The following PLTP variants were observed in gnomAD, a reference collection of about 807,000 sequenced individuals.
PLTP encodes phospholipid transfer protein.
Under a neutral mutation model 54.1 loss-of-function variants are expected in PLTP, and 43 were observed. That is an observed-to-expected ratio of 0.79 (90% CI 0.62 to 1.02). The LOEUF is 1.02. Among genes scored for constraint, PLTP ranks in the 50% least tolerant of loss-of-function variants. The pLI is 0.00. For missense variants in PLTP, 604 were observed against 645.9 expected, an observed-to-expected ratio of 0.94 and a Z score of 0.70; for synonymous variants, 263 against 264.6, an observed-to-expected ratio of 0.99 and a Z score of 0.06.
intron 3 of PLTP, chr20:45,910,892 C>A: frequency 2.2e-6 from 3 of 1,378,840 alleles, no homozygotes; most frequent in Non-Finnish European, 2.8e-6. Context: ...TCTTCGACCA[C>A]GCCTCACATC....
intron 12 of PLTP, among the ~76,000 whole-genome samples, chr20:45,900,195 C>T (rs1329718671): frequency 6.7e-6 from 1 of 149,370 alleles, no homozygotes; most frequent in African/African-American, 2.5e-5. Flanking sequence ...TGCTCCGTCT[C>T]CCGGGTTCAC....
intron 10 of PLTP, among the ~76,000 whole-genome samples, chr20:45,903,450 A>G (rs1467610419): frequency 6.6e-6 from 1 of 152,090 alleles, no homozygotes; most frequent in Non-Finnish European, 1.5e-5. Flanking sequence ...TGCTGGTCTC[A>G]AACTCCTGGG....
In PLTP at chr20:45,901,609, C is replaced by T. The variant is rs1447440256; in HGVS notation, c.1175+658G>A. On this transcript the variant is annotated intron_variant, in intron 12 of 15. Coordinates refer to ENST00000372431, the MANE Select transcript of PLTP (RefSeq NM_006227.4). ...ACTCTGTCTCAAAAATAAATAAATA[C>T]AATAAAATAAGGCCAAGCACAGTGG... 2.0e-5 allele frequency among the ~76,000 whole-genome samples: 3 copies of T among 151,308 alleles called. No homozygotes were observed. In the East Asian group the frequency reaches 5.8e-4, roughly 29 times the overall value.
intron 8 of PLTP, among the ~76,000 whole-genome samples, chr20:45,905,704 G>A (rs2083232890): frequency 6.6e-6 from 1 of 152,194 alleles, no homozygotes; most frequent in Non-Finnish European, 1.5e-5. Context: ...GCCTCCCAAA[G>A]TATTGGGATT....
At chr20:45,909,477 G>A in intron 5 of PLTP, 39 bp downstream of exon 5, 2 of 1,611,432 alleles carry the variant, frequency 1.2e-6, no homozygotes, top group Middle Eastern at 1.7e-4. Flanking sequence ...GAGCTGTGGG[G>A]CTCGAAAAGG....
rs769402418 is a variant in PLTP, at chr20:45,899,638, C to T, written c.1266G>A (p.Val422=). ...CAGCCTTACCATTGAGCATGGGCATCACCCCAATCTGCAGCATGGTCTTCA... is the reference window on the plus strand; with the variant it reads ...CAGCCTTACCATTGAGCATGGGCATTACCCCAATCTGCAGCATGGTCTTCA... ...APLKTMLQIG[V]MPMLNERTWR... Residue 422 remains valine (V), a synonymous_variant, in exon 14 of 16, where the codon GTG becomes GTA. Coordinates refer to ENST00000372431, the MANE Select transcript of PLTP (RefSeq NM_006227.4). 6.2e-7 allele frequency: 1 copy of T among 1,614,158 alleles called. No homozygotes were observed. Among genetic ancestry groups the T allele is most frequent in the African/African-American group, 1.3e-5 (1 of 75,032 alleles).
Position 45,899,487 on chromosome 20 carries a change from A to T in PLTP, c.1334T>A (p.Val445Glu), listed in dbSNP as rs372280032. ...CGCATGGTTCGTCACCACCTCATGC[A>T]CAAAGTTGATGCCCTCAGGTAGTGG... ...QIPLPEGINF[V>E]HEVVTNHAGF... The change falls in exon 15 of 16, where the codon GTG (valine) becomes GAG (glutamate). Residue 445 changes from valine to glutamate, a missense_variant. By Grantham distance (121) the Val-to-Glu change is moderately radical. Coordinates refer to ENST00000372431, the MANE Select transcript of PLTP (RefSeq NM_006227.4). 7.0e-5 allele frequency: 113 copies of T among 1,613,902 alleles called. No individual in the cohort carries two copies. Among genetic ancestry groups the T allele is most frequent in the Non-Finnish European group, 9.2e-5 (109 of 1,179,998 alleles).
chr20:45,902,718 G>A lies in PLTP; in HGVS notation c.943-114C>T, dbSNP rs998963748. 6.4e-6 allele frequency: 7 copies of A among 1,099,510 alleles called. No homozygotes were observed. The Admixed American group carries it at 1.7e-4, about 26-fold the overall frequency. The allele number at this position is 1,099,510 out of a possible 1,614,324, so 68.1% of individuals were successfully genotyped here. A position where few individuals can be genotyped will look rare whatever the true frequency, so the allele number is the denominator to read the frequency against. Reference sequence around the variant, plus strand: ...TCTGTCCTCTGGGGACTCTCATATTGCAAATACAGAGGGAGCTCTGGCTTC... The same window carrying A: ...TCTGTCCTCTGGGGACTCTCATATTACAAATACAGAGGGAGCTCTGGCTTC... On this transcript the variant is annotated intron_variant, in intron 10 of 15. Coordinates refer to ENST00000372431, the MANE Select transcript of PLTP (RefSeq NM_006227.4).
intron 8 of PLTP, among the ~76,000 whole-genome samples, chr20:45,905,636 T>C (rs1303639021): frequency 6.6e-6 from 1 of 152,222 alleles, no homozygotes; most frequent in Non-Finnish European, 1.5e-5. Context: ...GAAGGAGGTC[T>C]CACTATGATG....
At chr20:45,906,710 G>A (rs932595615) in intron 7 of PLTP, among the ~76,000 whole-genome samples, 2 of 151,228 alleles carry the variant, frequency 1.3e-5, no homozygotes, top group African/African-American at 4.9e-5. Flanking sequence ...GTCCACCACG[G>A]TGAAACCCCG....
At chr20:45,911,950 A>G in intron 1 of PLTP, 129 bp downstream of exon 1, 2 of 197,968 alleles carry the variant, frequency 1.0e-5, no homozygotes, top group South Asian at 1.6e-4. Flanking sequence ...AATCTCTCCC[A>G]TTAGAGATTC....
chr20:45,900,370 G>T (rs1330019677), intron 12 of PLTP, among the ~76,000 whole-genome samples: 1 of 152,002 alleles, frequency 6.6e-6, no homozygotes, highest in South Asian at 2.1e-4. Context: ...CTCCCAAAGT[G>T]CTGGGATTAC....
At chr20:45,899,143 G>A in intron 15 of PLTP, 80 bp from the exon 16 acceptor site, 5 of 1,581,764 alleles carry the variant, frequency 3.2e-6, no homozygotes, top group Non-Finnish European at 3.5e-6. Context: ...CAGAGTGTTT[G>A]TCTTTCAGGA....
At position 45,898,966 on chromosome 20, in the gene PLTP, G is replaced by C. The variant is rs1336421647; in HGVS notation, c.1457C>G (p.Pro486Arg). ...RPADVRASTA[P>R]TPSTAAV ...TCAGACAGCTGCTGTGGACGGTGTG[G>C]GGGCAGTGGACGCCCTGACATCAGC... Residue 486 changes from proline to arginine, a missense_variant, in exon 16 of 16, where the codon CCC (proline) becomes CGC (arginine). Physicochemically the swap from Pro to Arg is moderately radical, Grantham distance 103 (BLOSUM62 -2). Transcript: ENST00000372431. This position sits in a 1 kb window ranked among gnomAD's most constrained non-coding sequence, Gnocchi z 4.6. 1 of 1,614,134 alleles carries C rather than the reference G, an allele frequency of 6.2e-7. No individual in the cohort carries two copies. The highest frequency in any genetic ancestry group is 1.1e-5 in the South Asian group (1 of 91,088).
chr20:45,906,749 G>A (rs1401460448), intron 7 of PLTP, among the ~76,000 whole-genome samples: 1 of 138,924 alleles, frequency 7.2e-6, no homozygotes, highest in East Asian at 1.9e-4. Context: ...AAATTAGTTG[G>A]GCATGGTGGT....
rs548237398 is a variant in PLTP at position 45,899,558 on chromosome 20, G to A, written c.1283-20C>T. 1.1e-5 allele frequency: 18 copies of A among 1,614,028 alleles called. No homozygotes were observed. The highest frequency in any genetic ancestry group is 5.3e-5 in the African/African-American group (4 of 75,024). On this transcript the variant is annotated intron_variant, in intron 14 of 15. Transcript: ENST00000372431. ...TCCGCTCTGTGGGTGGGAGCACCCCGCTCAGTCTGGGCCCGCCCAGTTCAC... is the reference window on the plus strand; with the variant it reads ...TCCGCTCTGTGGGTGGGAGCACCCCACTCAGTCTGGGCCCGCCCAGTTCAC...
chr20:45,908,823 GTTA>G (rs1358130724), intron 5 of PLTP, among the ~76,000 whole-genome samples: 1 of 151,840 alleles, frequency 6.6e-6, no homozygotes, highest in African/African-American at 2.4e-5. Flanking sequence ...TATTATTTTT[GTTA>G]TTATTATTTA....
chr20:45,899,812 G>GGCCCCCCCCCCC, intron 13 of PLTP, 24 bp downstream of exon 13: 1 of 309,344 alleles, frequency 3.2e-6, no homozygotes, highest in Non-Finnish European at 6.2e-6. Flanking sequence ...ACCCAGCCCA[G>GGCCCCCCCCCCC]CCCACCCACC....
chr20:45,907,748 G>A lies in PLTP; in HGVS notation c.557C>T (p.Pro186Leu). Reference sequence around the variant, plus strand: ...GACCGTCCCTGCGTGGTAGAGGACAGGGCAGATCTGCGAGGTGGGAGCCAG... The same window carrying A: ...GACCGTCCCTGCGTGGTAGAGGACAAGGCAGATCTGCGAGGTGGGAGCCAG... Reference protein sequence around the residue: ...MRFLLNQQICPVLYHAGTVLL... With the variant: ...MRFLLNQQICLVLYHAGTVLL... Residue 186 changes from proline (P) to leucine (L), a missense_variant, in exon 7 of 16, where the codon CCT (proline) becomes CTT (leucine). Coordinates refer to ENST00000372431, the MANE Select transcript of PLTP (RefSeq NM_006227.4). The A allele has an allele frequency of 6.2e-7, 1 of 1,613,724 alleles. No individual in the cohort carries two copies. The highest frequency in any genetic ancestry group is 8.5e-7 in the Non-Finnish European group (1 of 1,179,942).
Sources: allele counts gnomAD v4.1 joint callset (sites outside exome capture counted in the v4.1 genomes callset), GRCh38; gene constraint gnomAD v4.1.1; non-coding constraint Gnocchi (gnomAD v3.1); transcripts MANE v1.5; gene names NCBI Gene and HGNC (gene_info 2026-07-23, HGNC 2026-07-21).